ETAA1: variants seen among roughly 807,000 people sequenced by gnomAD.
The protein encoded by ETAA1 is ewing's tumor-associated antigen 1.
In ETAA1, 49 loss-of-function variants were observed where a neutral mutation model predicts 76.8. The ratio of observed to expected loss-of-function variants is 0.64; its 90% CI spans 0.51 to 0.81. The LOEUF (loss-of-function observed/expected upper bound fraction) is 0.81, where lower values mean the gene tolerates loss of function less well. Among genes scored for constraint, ETAA1 ranks in the 30% least tolerant of loss-of-function variants. The probability of loss-of-function intolerance (pLI) is 0.00; values close to 1 mark genes in which losing one functional copy is unlikely to be tolerated. For synonymous variants in ETAA1, 373 were observed against 372.2 expected (o/e 1.00, Z -0.03); for missense variants, 1,099 against 1,074.0 (o/e 1.02, Z -0.32).
Position 67,403,480 on chromosome 2 carries a change from T to G in ETAA1, c.798T>G (p.Asn266Lys), listed in dbSNP as rs1276229715. 1 of 1,613,270 alleles carries G rather than the reference T, an allele frequency of 6.2e-7. No homozygotes were observed. The highest frequency in any genetic ancestry group is 1.3e-5 in the African/African-American group (1 of 74,900). ...ACACCAAGATATCTGTGGCAAATAA[T>G]CAAAATAGCAGTCAGAAGCCATTTG... Reference protein sequence around the residue: ...KGNTKISVANNQNSSQKPFDQ... With the variant: ...KGNTKISVANKQNSSQKPFDQ... The change falls in exon 5 of 6, where the codon AAT becomes AAG. Residue 266 changes from asparagine (N) to lysine (K), a missense_variant. Transcript: ENST00000272342.
At position 67,397,510 on chromosome 2, in the gene ETAA1, T is replaced by G; in HGVS notation, c.62T>G (p.Val21Gly). Residue 21 changes from valine to glycine, a missense_variant, in exon 1 of 6, where the codon GTG becomes GGG. By Grantham distance (109) the Val-to-Gly change is moderately radical (BLOSUM62 -3). This residue lies in a region of ETAA1 where 761 missense variants were observed against 731.9 expected (regional missense o/e 1.04). Coordinates refer to ENST00000272342, the MANE Select transcript of ETAA1 (RefSeq NM_019002.4). The part of the protein sequence containing the change: ...PSPKKTPHKT[V>G]AAEECGSVVE... The stretch of plus-strand genomic sequence containing the variant: ...CCGAAGAAAACGCCGCACAAAACAG[T>G]GGCGGCGGAGGAATGCGGCTCGGTG... 1 of 1,598,416 alleles carries G rather than the reference T, an allele frequency of 6.3e-7. No individual in the cohort carries two copies.
intron 5 of ETAA1, among the ~76,000 whole-genome samples, chr2:67,408,085 T>G (rs1480881509): frequency 6.6e-6 from 1 of 152,228 alleles, no homozygotes; most frequent in Non-Finnish European, 1.5e-5. Context: ...TTAAACTTAT[T>G]GATAGTACTG....
chr2:67,397,751 T>C, intron 1 of ETAA1, 80 bp downstream of exon 1: 1 of 1,387,320 alleles, frequency 7.2e-7, no homozygotes, highest in South Asian at 1.2e-5. Flanking sequence ...AAATCTGGGG[T>C]GGGGGTGGAG....
chr2:67,402,826 G>C lies in ETAA1; in HGVS notation c.430-36G>C, dbSNP rs923184. On this transcript the variant is annotated intron_variant, in intron 3 of 5. Coordinates refer to ENST00000272342, the MANE Select transcript of ETAA1 (RefSeq NM_019002.4). ...TTGGAAGACGGGGGATGCTACACTG[G>C]TACTTTATACCTCTTTTTTTCCCTA... The C allele has an allele frequency of 5.1e-3, 7,250 of 1,412,898 alleles. 301 individuals carry two copies. In the African/African-American group the frequency reaches 0.087, roughly 17 times the overall value. 87.5% of individuals were successfully genotyped at this position (1,412,898 alleles called of 1,614,324 possible). A position where few individuals can be genotyped will look rare whatever the true frequency, so the allele number is the denominator to read the frequency against.
intron 5 of ETAA1, among the ~76,000 whole-genome samples, chr2:67,408,247 T>C (rs550485494): frequency 6.6e-6 from 1 of 152,248 alleles, no homozygotes; most frequent in African/African-American, 2.4e-5. Context: ...TGGCAAACTA[T>C]GATCTGTCCA....
At chr2:67,402,338 A>G (rs1424094722) in intron 3 of ETAA1, 2 of 151,792 alleles carry the variant, frequency 1.3e-5, no homozygotes, top group Non-Finnish European at 3.0e-5. Context: ...CCTGATCTTA[A>G]TTCTGAGTGT....
At position 67,404,722 on chromosome 2, in the gene ETAA1, T is replaced by C; in HGVS notation, c.2040T>C (p.Phe680=). The C allele has an allele frequency of 2.5e-6, 4 of 1,613,514 alleles. 1 individual carries two copies. Among genetic ancestry groups the C allele is most frequent in the Non-Finnish European group, 3.4e-6 (4 of 1,179,586 alleles). The change falls in exon 5 of 6, where the codon TTT becomes TTC. Residue 680 remains phenylalanine, a synonymous_variant. Transcript: ENST00000272342. ...NNSEHGAKNM[F]AISKQGSNLV... ...CCGAACATGGAGCCAAAAACATGTTTGCTATATCTAAACAAGGAAGTAATT... is the reference window on the plus strand; with the variant it reads ...CCGAACATGGAGCCAAAAACATGTTCGCTATATCTAAACAAGGAAGTAATT...
intron 5 of ETAA1, among the ~76,000 whole-genome samples, chr2:67,405,992 A>T (rs574207073): frequency 6.6e-6 from 1 of 152,214 alleles, no homozygotes; most frequent in Non-Finnish European, 1.5e-5. Context: ...AGACTACTGC[A>T]GTTCTTTTAT....
Position 67,405,196 on chromosome 2 carries a change from T to G in ETAA1, c.2514T>G (p.Asn838Lys). Reference protein sequence around the residue: ...NSQILSQFNQNCITGSMSDTK... With the variant: ...NSQILSQFNQKCITGSMSDTK... ...AGATTCTTTCTCAGTTTAATCAAAA[T>G]TGTATAACTGGAAGTATGTCTGATA... Residue 838 changes from asparagine (N) to lysine (K), a missense_variant, in exon 5 of 6, where the codon AAT becomes AAG. By Grantham distance (94) the Asn-to-Lys change is moderately conservative (BLOSUM62 0). Coordinates refer to ENST00000272342, the MANE Select transcript of ETAA1 (RefSeq NM_019002.4). 6.2e-7 allele frequency: 1 copy of G among 1,612,640 alleles called. No individual in the cohort carries two copies. Among genetic ancestry groups the G allele is most frequent in the South Asian group, 1.1e-5 (1 of 91,002 alleles).
chr2:67,398,580 C>T (rs1675965043), intron 1 of ETAA1, among the ~76,000 whole-genome samples: 2 of 152,208 alleles, frequency 1.3e-5, no homozygotes, highest in South Asian at 2.1e-4. Context: ...TCGTGATCCA[C>T]CCGCCTCGGC....
chr2:67,399,141 AT>A (rs1675984879), intron 1 of ETAA1, 27 bp from the exon 2 acceptor site: 1 of 1,595,672 alleles, frequency 6.3e-7, no homozygotes, highest in South Asian at 1.1e-5. Flanking sequence ...AAATGCAACA[AT>A]TGTTATTTTA....
At chr2:67,406,077 A>G (rs564183864) in intron 5 of ETAA1, among the ~76,000 whole-genome samples, 1 of 152,210 alleles carries the variant, frequency 6.6e-6, no homozygotes, top group African/African-American at 2.4e-5. Flanking sequence ...TGGCGTTTCT[A>G]TGCTTAAAAC....
At position 67,405,153 on chromosome 2, in the gene ETAA1, C is replaced by T. The variant is rs1308316847; in HGVS notation, c.2471C>T (p.Thr824Ile). 7 of 1,612,276 alleles carry T rather than the reference C, an allele frequency of 4.3e-6. No individual in the cohort carries two copies. Among genetic ancestry groups the T allele is most frequent in the Admixed American group, 3.3e-5 (2 of 59,728 alleles). The change falls in exon 5 of 6, where the codon ACA becomes ATA. Residue 824 changes from threonine to isoleucine, a missense_variant. Thr to Ile is a moderately conservative substitution (Grantham distance 89). Transcript: ENST00000272342. ...TTVGFSKFTF[T>I]RMKNSQILSQ... ...GTTGGATTTTCAAAGTTTACATTTA[C>T]AAGGATGAAAAATTCTCAGATTCTT...
At position 67,403,755 on chromosome 2, in the gene ETAA1, C is replaced by G; in HGVS notation, c.1073C>G (p.Thr358Ser). Reference protein sequence around the residue: ...DTPIMTKSCVTSCTKEPETSN... With the variant: ...DTPIMTKSCVSSCTKEPETSN... ...CCCATAATGACAAAATCATGTGTGACTTCCTGTACTAAGGAGCCAGAAACT... is the reference window on the plus strand; with the variant it reads ...CCCATAATGACAAAATCATGTGTGAGTTCCTGTACTAAGGAGCCAGAAACT... The change falls in exon 5 of 6, where the codon ACT becomes AGT. Residue 358 changes from threonine (T) to serine (S), a missense_variant. Thr to Ser is a moderately conservative substitution (Grantham distance 58). Around this residue, in one of 3 missense-constraint regions of ETAA1, gnomAD observed 761 missense variants for 731.9 expected, o/e 1.04. Transcript: ENST00000272342. The G allele has an allele frequency of 6.2e-7, 1 of 1,613,380 alleles. No homozygotes were observed. Among genetic ancestry groups the G allele is most frequent in the Non-Finnish European group, 8.5e-7 (1 of 1,179,458 alleles).
rs1676106671 is a variant in ETAA1 at position 67,403,314 on chromosome 2, A to G, written c.632A>G (p.Gln211Arg). ...GAAGAGCTAGATGTGATTCAAGAGC[A>G]AAACAAGAGGAATTATGATTTTACC... ...NMEELDVIQE[Q>R]NKRNYDFTQM... Residue 211 changes from glutamine to arginine, a missense_variant, in exon 5 of 6, where the codon CAA (glutamine) becomes CGA (arginine). Physicochemically the swap from Gln to Arg is conservative, Grantham distance 43. This residue lies in a region of ETAA1 where 761 missense variants were observed against 731.9 expected (regional missense o/e 1.04). Coordinates refer to ENST00000272342, the MANE Select transcript of ETAA1 (RefSeq NM_019002.4). 66 of 1,606,662 alleles carry G rather than the reference A, an allele frequency of 4.1e-5. No homozygotes were observed. Among genetic ancestry groups the G allele is most frequent in the Non-Finnish European group, 5.5e-5 (65 of 1,175,478 alleles).
chr2:67,404,030 A>G lies in ETAA1; in HGVS notation c.1348A>G (p.Lys450Glu). ...AAAAGTATTACAAGATCTTTCTTCA[A>G]AGACATATGACAGAGAATTAATAGA... ...DSKVLQDLSS[K>E]TYDRELIDAE... Residue 450 changes from lysine to glutamate, a missense_variant, in exon 5 of 6, where the codon AAG becomes GAG. Coordinates refer to ENST00000272342, the MANE Select transcript of ETAA1 (RefSeq NM_019002.4). The G allele has an allele frequency of 6.2e-7, 1 of 1,607,846 alleles. No individual in the cohort carries two copies. Among genetic ancestry groups the G allele is most frequent in the Non-Finnish European group, 8.5e-7 (1 of 1,177,556 alleles).
intron 3 of ETAA1, chr2:67,400,462 C>T (rs752293302): frequency 1.1e-4 from 16 of 151,628 alleles, no homozygotes; most frequent in Non-Finnish European, 7.4e-5. Context: ...TTGAGTGTTT[C>T]GTTTCTTTTT....
chr2:67,397,978 AGT>A lies in ETAA1; in HGVS notation c.223+309_223+310del, dbSNP rs536269463. ...CTCCTCCAGTCAGCAGCAGTGGTGG[AGT>A]GAGAAGAAACAGCTGATAGGCCCGC... On this transcript the variant is annotated intron_variant, in intron 1 of 5. Transcript: ENST00000272342. Among the ~76,000 whole-genome samples, 628 of 152,280 alleles carry A rather than the reference AGT, an allele frequency of 4.1e-3. 4 individuals are homozygous for A. Among genetic ancestry groups the A allele is most frequent in the African/African-American group, 0.014 (600 of 41,554 alleles).
chr2:67,399,256 A>G lies in ETAA1; in HGVS notation c.311A>G (p.Asp104Gly), dbSNP rs553516333. 1.9e-6 allele frequency: 3 copies of G among 1,613,436 alleles called. No individual in the cohort carries two copies. The highest frequency in any genetic ancestry group is 2.7e-5 in the African/African-American group (2 of 75,038). ...CCTAATGATCCAGATGGACAGAATG[A>G]TATCTTTTGGGATCAGAATTCTCCA... Reference protein sequence around the residue: ...SSPNDPDGQNDIFWDQNSPLT... With the variant: ...SSPNDPDGQNGIFWDQNSPLT... Residue 104 changes from aspartate to glycine, a missense_variant, in exon 2 of 6, where the codon GAT becomes GGT. Around this residue, in one of 3 missense-constraint regions of ETAA1, gnomAD observed 761 missense variants for 731.9 expected, o/e 1.04. Coordinates refer to ENST00000272342, the MANE Select transcript of ETAA1 (RefSeq NM_019002.4).
Sources: gnomAD v4.1 joint callset for allele counts (sites outside exome capture counted in the v4.1 genomes callset) on GRCh38, gnomAD v4.1.1 for gene constraint, gnomAD v4.1.1 regional missense constraint, MANE v1.5 for transcripts, NCBI Gene and HGNC (gene_info 2026-07-23, HGNC 2026-07-21) for gene names.